The following PMS1 variants were observed in gnomAD, a reference collection of about 807,000 sequenced individuals.
PMS1 encodes PMS1 homolog 1, mismatch repair system component, also known as PMS1 protein homolog 1.
Under a neutral mutation model 93.1 loss-of-function variants are expected in PMS1, and 79 were observed. That is an observed-to-expected ratio of 0.85 (90% confidence interval 0.71 to 1.02). PMS1 has a LOEUF of 1.02. PMS1 is among the 50% of genes least tolerant of loss of function. PMS1 has a pLI of 0.00. For missense variants in PMS1, 1,064 were observed against 1,085.3 expected (o/e 0.98, Z 0.28); for synonymous variants, 335 against 363.4 (o/e 0.92, Z 0.89).
intron 1 of PMS1, among the ~76,000 whole-genome samples, chr2:189,787,236 A>G (rs1020267129): frequency 6.6e-6 from 1 of 152,182 alleles, no homozygotes; most frequent in Non-Finnish European, 1.5e-5. Flanking sequence ...AATTGAAATT[A>G]TGTATATAAA....
chr2:189,790,805 C>G (rs1303238510), intron 1 of PMS1, among the ~76,000 whole-genome samples: 2 of 152,070 alleles, frequency 1.3e-5, no homozygotes, highest in Admixed American at 1.3e-4. Flanking sequence ...ATATTGGGAA[C>G]TAAATGTGAG....
intron 10 of PMS1, among the ~76,000 whole-genome samples, chr2:189,866,274 T>A (rs1180744224): frequency 6.6e-6 from 1 of 152,210 alleles, no homozygotes; most frequent in East Asian, 1.9e-4. Flanking sequence ...GATAGGTTTT[T>A]AAAAATATTT....
chr2:189,788,330 C>T (rs1040720937), intron 1 of PMS1, among the ~76,000 whole-genome samples: 9 of 152,148 alleles, frequency 5.9e-5, no homozygotes, highest in African/African-American at 2.2e-4. Context: ...AGTTTAGTCC[C>T]AGTATCCTGG....
chr2:189,815,081 A>C (rs1235532313), intron 4 of PMS1, among the ~76,000 whole-genome samples: 1 of 150,804 alleles, frequency 6.6e-6, no homozygotes, highest in Non-Finnish European at 1.5e-5. Flanking sequence ...CCTGGGCAAC[A>C]GAGAGACTCC....
chr2:189,811,902 G>A (rs1478008877), intron 4 of PMS1, among the ~76,000 whole-genome samples: 1 of 152,168 alleles, frequency 6.6e-6, no homozygotes, highest in Non-Finnish European at 1.5e-5. Context: ...AGCCAGAGGA[G>A]AAAATACATT....
chr2:189,821,468 AAAAG>A (rs1002922497), intron 5 of PMS1, among the ~76,000 whole-genome samples: 8 of 147,418 alleles, frequency 5.4e-5, no homozygotes, highest in East Asian at 4.1e-4. Context: ...AAAAAAAAAA[AAAAG>A]AAAGAAAAGT....
chr2:189,861,494 A>C (rs2055991802), intron 9 of PMS1, among the ~76,000 whole-genome samples: 3 of 151,734 alleles, frequency 2.0e-5, no homozygotes. Context: ...TCATGCCTGT[A>C]ATCCCAGCAC....
At chr2:189,822,861 A>G (rs574860678) in intron 5 of PMS1, among the ~76,000 whole-genome samples, 1 of 152,310 alleles carries the variant, frequency 6.6e-6, no homozygotes, top group Non-Finnish European at 1.5e-5. Flanking sequence ...TTATAAGAAA[A>G]TTGTCAAAGG....
At chr2:189,785,884 G>A (rs1390913112) in intron 1 of PMS1, among the ~76,000 whole-genome samples, 1 of 152,160 alleles carries the variant, frequency 6.6e-6, no homozygotes, top group East Asian at 1.9e-4. Flanking sequence ...CAGCACTTTG[G>A]GAGGCCAAGG....
rs2056300286 is a variant in PMS1 at position 189,863,884 on chromosome 2, C to G, written c.1998C>G (p.His666Gln). ...GCGCATGGAATTTGGCCCAGAAGCACAAGTTAAAAACCTCATTATCTAATC... is the reference window on the plus strand; with the variant it reads ...GCGCATGGAATTTGGCCCAGAAGCAGAAGTTAAAAACCTCATTATCTAATC... The part of the protein sequence containing the change: ...PTSAWNLAQK[H>Q]KLKTSLSNQP... The change falls in exon 10 of 13, where the codon CAC becomes CAG. Residue 666 changes from histidine (H) to glutamine (Q), a missense_variant. His to Gln is a conservative substitution (Grantham distance 24). Coordinates refer to ENST00000441310, the MANE Select transcript of PMS1 (RefSeq NM_000534.5). The G allele has an allele frequency of 6.2e-7, 1 of 1,614,028 alleles. No individual in the cohort carries two copies.
intron 9 of PMS1, among the ~76,000 whole-genome samples, chr2:189,857,841 T>G (rs983901264): frequency 4.6e-5 from 7 of 152,118 alleles, no homozygotes; most frequent in South Asian, 2.1e-4. Flanking sequence ...TAATATTATC[T>G]GTGGGACAGG....
intron 9 of PMS1, among the ~76,000 whole-genome samples, chr2:189,860,668 T>C (rs2055867170): frequency 6.6e-6 from 1 of 152,116 alleles, no homozygotes; most frequent in South Asian, 2.1e-4. Flanking sequence ...GTATATGTTC[T>C]GTCTTGACAA....
intron 5 of PMS1, among the ~76,000 whole-genome samples, chr2:189,836,320 C>T (rs1362030976): frequency 1.3e-5 from 2 of 152,158 alleles, no homozygotes; most frequent in Non-Finnish European, 2.9e-5. Context: ...GGTGTTTTTG[C>T]ACTGTCATCA....
intron 11 of PMS1, 43 bp from the exon 12 acceptor site, chr2:189,873,453 G>A: frequency 7.2e-7 from 1 of 1,387,054 alleles, no homozygotes; most frequent in South Asian, 1.2e-5. Context: ...GACATGTTCT[G>A]GAATATGAAC....
chr2:189,820,779 C>T lies in PMS1; in HGVS notation c.582+2599C>T, dbSNP rs1028699783. ...TGTTTTATATTTTACAGTAATAGTG[C>T]TGAGGTCAGAACCCTTTTTGATCCA... On this transcript the variant is annotated intron_variant, in intron 5 of 12. Coordinates refer to ENST00000441310, the MANE Select transcript of PMS1 (RefSeq NM_000534.5). 5.3e-5 allele frequency among the ~76,000 whole-genome samples: 8 copies of T among 152,270 alleles called. No individual in the cohort carries two copies. In the South Asian group the frequency reaches 1.7e-3, roughly 32 times the overall value.
chr2:189,859,628 T>C (rs1364096866), intron 9 of PMS1, among the ~76,000 whole-genome samples: 1 of 152,192 alleles, frequency 6.6e-6, no homozygotes, highest in African/African-American at 2.4e-5. Flanking sequence ...TTCATTTTTC[T>C]CATATTGTTG....
rs2106457811 is a variant in PMS1, at chr2:189,853,948, C to A, written c.832C>A (p.His278Asn). Residue 278 changes from histidine (H) to asparagine (N), a missense_variant, in exon 8 of 13, where the codon CAT becomes AAT. By Grantham distance (68) the His-to-Asn change is moderately conservative. Coordinates refer to ENST00000441310, the MANE Select transcript of PMS1 (RefSeq NM_000534.5). Reference sequence around the variant, plus strand: ...TTACATGTATTTCTAGTTAATCCGACATCATTACAATCTGAAATGCCTAAA... The same window carrying A: ...TTACATGTATTTCTAGTTAATCCGAAATCATTACAATCTGAAATGCCTAAA... ...HQKDILKLIRHHYNLKCLKES... is the reference protein window; with the variant it reads ...HQKDILKLIRNHYNLKCLKES... The A allele has an allele frequency of 3.8e-6, 6 of 1,572,208 alleles. No individual in the cohort carries two copies. The highest frequency in any genetic ancestry group is 5.2e-6 in the Non-Finnish European group (6 of 1,148,266).
intron 1 of PMS1, among the ~76,000 whole-genome samples, chr2:189,787,937 T>C (rs940909867): frequency 5.9e-5 from 9 of 152,072 alleles, no homozygotes; most frequent in Non-Finnish European, 1.3e-4. Context: ...GATGCAGACA[T>C]CTTAAGACCA....
chr2:189,819,963 A>G (rs147883066), intron 5 of PMS1, among the ~76,000 whole-genome samples: 263 of 152,302 alleles, frequency 1.7e-3, no homozygotes, highest in African/African-American at 6.0e-3. Flanking sequence ...AGAAAGGTTT[A>G]TATATTTTCT....
Sources: allele counts gnomAD v4.1 joint callset (sites outside exome capture counted in the v4.1 genomes callset), GRCh38; gene constraint gnomAD v4.1.1; transcripts MANE v1.5; gene names NCBI Gene and HGNC (gene_info 2026-07-23, HGNC 2026-07-21).